MILR1: variants seen among roughly 807,000 people sequenced by gnomAD.
MILR1 encodes the protein mast cell immunoglobulin like receptor 1.
A neutral mutation model predicts 18.5 loss-of-function variants in MILR1; 31 were observed. That is an observed-to-expected ratio of 1.68 (90% CI 1.26 to 2.26). The LOEUF (loss-of-function observed/expected upper bound fraction) is 2.26, where lower values mean the gene tolerates loss of function less well. Ranked by LOEUF, MILR1 falls within the 30% of genes most tolerant of loss-of-function variation. The pLI is 0.00. For missense variants in MILR1, 257 were observed against 157.4 expected (o/e 1.63, Z -3.38); for synonymous variants, 85 against 56.2 (o/e 1.51, Z -2.30).
intron 5 of MILR1, among the ~76,000 whole-genome samples, chr17:64,463,684 CT>C (rs1483818811): frequency 2.0e-5 from 3 of 151,486 alleles, no homozygotes; most frequent in Non-Finnish European, 4.4e-5. Flanking sequence ...TATTTCATTT[CT>C]TTTTTTTAGA....
chr17:64,484,013 C>G, the MILR1 span: 3 of 152,284 alleles, frequency 2.0e-5, no homozygotes, highest in Admixed American at 2.0e-4. Context: ...TTCAGCCCAG[C>G]CTTCTCTTCT....
At chr17:64,470,355 A>G (rs113948434), downstream of MILR1, among the ~76,000 whole-genome samples, 1,578 of 152,284 alleles carry the variant, frequency 0.01, 22 homozygotes, top group African/African-American at 0.036. Context: ...TGGCCTCCCA[A>G]AGTGCTGGGA....
chr17:64,470,797 C>G (rs972791173), downstream of MILR1, among the ~76,000 whole-genome samples: 1 of 152,174 alleles, frequency 6.6e-6, no homozygotes, highest in Non-Finnish European at 1.5e-5. Context: ...ACAGCTTGCC[C>G]TGAACCGTAG....
chr17:64,450,245 T>C, intron 2 of MILR1, among the ~76,000 whole-genome samples: 2 of 152,118 alleles, frequency 1.3e-5, no homozygotes, highest in South Asian at 4.1e-4. Context: ...ATTTCATCTG[T>C]GAAGTGGGCT....
chr17:64,471,730 T>C (rs573415803), downstream of MILR1, among the ~76,000 whole-genome samples: 10 of 152,226 alleles, frequency 6.6e-5, no homozygotes, highest in Non-Finnish European at 1.5e-4. Flanking sequence ...GGCAGAAGGA[T>C]TGCTTGAGCC....
At chr17:64,485,909 C>A in the MILR1 span, 1 of 1,609,282 alleles carries the variant, frequency 6.2e-7, no homozygotes. Flanking sequence ...TTTCACAGAA[C>A]TTTTTTTGTT....
chr17:64,465,644 A>G, intron 6 of MILR1, 103 bp downstream of exon 6: 2 of 1,191,006 alleles, frequency 1.7e-6, no homozygotes, highest in Non-Finnish European at 2.4e-6. Flanking sequence ...AGCAAAAGGG[A>G]TAGAGTTCAA....
chr17:64,457,786 C>T lies in MILR1; in HGVS notation c.652+102C>T, dbSNP rs924449249. The T allele has an allele frequency of 1.2e-3, 556 of 460,924 alleles. 2 individuals are homozygous for T. The highest frequency in any genetic ancestry group is 0.01 in the African/African-American group (516 of 50,624). The allele number at this position is 460,924 out of a possible 1,614,324, so 28.6% of individuals were successfully genotyped here. A position where few individuals can be genotyped will look rare whatever the true frequency, so the allele number is the denominator to read the frequency against. On this transcript the variant is annotated intron_variant, in intron 4 of 9. Coordinates refer to ENST00000619286, the MANE Select transcript of MILR1 (RefSeq NM_001085423.2). ...TTCCCACCATGGCCACCTGACCTTC[C>T]AGGTCCTTCTGAAGGTGCATTTGTC...
At chr17:64,493,378 C>T in the MILR1 span, among the ~76,000 whole-genome samples, 1 of 152,020 alleles carries the variant, frequency 6.6e-6, no homozygotes, top group African/African-American at 2.4e-5. Flanking sequence ...GATGGTGCCA[C>T]TGTGCTCCAG....
chr17:64,476,677 T>TA, the MILR1 span, among the ~76,000 whole-genome samples: 32 of 151,606 alleles, frequency 2.1e-4, no homozygotes, highest in African/African-American at 6.0e-4. Context: ...TTCTCCATAA[T>TA]AAAAAAAAGC....
At chr17:64,475,521 G>A in the MILR1 span, among the ~76,000 whole-genome samples, 1 of 151,840 alleles carries the variant, frequency 6.6e-6, no homozygotes, top group Admixed American at 6.6e-5. Flanking sequence ...GGTGGCGCAT[G>A]CCTGTAATCC....
intron 3 of MILR1, among the ~76,000 whole-genome samples, chr17:64,457,110 T>C (rs2037316365): frequency 6.6e-6 from 1 of 152,148 alleles, no homozygotes; most frequent in Admixed American, 6.5e-5. Flanking sequence ...GATTGTGAAT[T>C]CTAGGAAGGG....
the MILR1 span, chr17:64,490,773 T>C: frequency 2.1e-5 from 34 of 1,589,560 alleles, no homozygotes; most frequent in East Asian, 1.6e-4. Context: ...AAAAAATACA[T>C]AGGAGCTCCA....
the MILR1 span, among the ~76,000 whole-genome samples, chr17:64,483,191 A>C: frequency 3.4e-4 from 52 of 152,162 alleles, no homozygotes; most frequent in Non-Finnish European, 6.6e-4. Context: ...GCTGCCCCCC[A>C]GATTTCTCCA....
downstream of MILR1, among the ~76,000 whole-genome samples, chr17:64,473,371 A>T (rs979969878): frequency 2.2e-4 from 32 of 148,498 alleles, no homozygotes; most frequent in East Asian, 4.7e-3. Flanking sequence ...AAAAAAGAAG[A>T]AGTTATCTTT....
rs1035588535 is a variant in MILR1 at position 64,460,107 on chromosome 17, C to A, written c.653-715C>A. The stretch of plus-strand genomic sequence containing the variant: ...ATGGCACGATCTCGGCTCATTGCAA[C>A]CTCCGCCTCCTGGGTTCAAGCGATT... On this transcript the variant is annotated intron_variant, in intron 4 of 9. Coordinates refer to ENST00000619286, the MANE Select transcript of MILR1 (RefSeq NM_001085423.2). Among the ~76,000 whole-genome samples, 709 of 151,116 alleles carry A rather than the reference C, an allele frequency of 4.7e-3. 8 individuals carry two copies. Among genetic ancestry groups the A allele is most frequent in the African/African-American group, 0.017 (680 of 41,118 alleles).
the MILR1 span, chr17:64,492,788 G>C: frequency 6.3e-7 from 1 of 1,594,196 alleles, no homozygotes; most frequent in Middle Eastern, 1.7e-4. Context: ...GATATAAAAC[G>C]TATCAGGAAG....
At chr17:64,468,278 TTCTCTCTTG>T in intron 9 of MILR1, 23 bp from the exon 10 acceptor site, 1 of 456,008 alleles carries the variant, frequency 2.2e-6, no homozygotes, top group South Asian at 1.5e-5. Context: ...GCCTTTTATA[TTCTCTCTTG>T]TCTCTCTCTT....
chr17:64,492,222 C>T, the MILR1 span, among the ~76,000 whole-genome samples: 5 of 152,080 alleles, frequency 3.3e-5, no homozygotes, highest in South Asian at 2.1e-4. Flanking sequence ...ATGTTTGAGT[C>T]GGGAAATGGT....
Sources: allele counts gnomAD v4.1 joint callset (sites outside exome capture counted in the v4.1 genomes callset), GRCh38; gene constraint gnomAD v4.1.1; transcripts MANE v1.5; gene names NCBI Gene and HGNC (gene_info 2026-07-23, HGNC 2026-07-21).